Variants in ATXN7 observed in about 807,000 individuals in gnomAD.
The protein encoded by ATXN7 is ataxin-7.
Under a neutral mutation model 70.5 loss-of-function variants are expected in ATXN7, and 12 were observed. The ratio of observed to expected loss-of-function variants is 0.17; its 90% confidence interval spans 0.11 to 0.28. The LOEUF (loss-of-function observed/expected upper bound fraction) is 0.28, where lower values mean the gene tolerates loss of function less well. ATXN7 is among the 10% of genes least tolerant of loss of function. ATXN7 has a pLI of 1.00. For synonymous variants in ATXN7, 498 were observed against 448.7 expected (o/e 1.11, Z -1.39); for missense variants, 1,256 against 1,131.7 (o/e 1.11, Z -1.58).
intron 4 of ATXN7, among the ~76,000 whole-genome samples, chr3:63,920,907 G>A (rs931132450): frequency 1.3e-5 from 2 of 152,158 alleles, no homozygotes; most frequent in African/African-American, 2.4e-5. Flanking sequence ...TTTTATTGCA[G>A]TATTTCTAAT....
At chr3:63,877,847 A>G (rs1232210548) in intron 1 of ATXN7, among the ~76,000 whole-genome samples, 1 of 152,202 alleles carries the variant, frequency 6.6e-6, no homozygotes, top group Non-Finnish European at 1.5e-5. Context: ...TTAACATCTA[A>G]CCTCAAATCC....
intron 5 of ATXN7, among the ~76,000 whole-genome samples, chr3:63,975,578 T>A (rs1163860110): frequency 6.6e-6 from 1 of 152,238 alleles, no homozygotes; most frequent in Non-Finnish European, 1.5e-5. Context: ...TATTTTTAGT[T>A]GTTTTCAAAG....
chr3:63,878,586 G>A (rs1208148462), intron 1 of ATXN7: 1 of 152,238 alleles, frequency 6.6e-6, no homozygotes, highest in Non-Finnish European at 1.5e-5. Context: ...GCAGGAAACA[G>A]AGTCCAACTC....
chr3:63,970,649 T>A (rs1002759211), intron 5 of ATXN7, among the ~76,000 whole-genome samples: 3 of 152,354 alleles, frequency 2.0e-5, no homozygotes, highest in African/African-American at 7.2e-5. Flanking sequence ...ACAGTCCTTT[T>A]GGGAAGAATT....
intron 6 of ATXN7, among the ~76,000 whole-genome samples, chr3:63,981,021 G>A (rs916563388): frequency 2.6e-5 from 4 of 152,204 alleles, no homozygotes; most frequent in Non-Finnish European, 4.4e-5. Flanking sequence ...CCTTGTCATG[G>A]CATCCCTCAG....
At chr3:63,924,183 T>A (rs1035714817) in intron 4 of ATXN7, among the ~76,000 whole-genome samples, 10 of 152,148 alleles carry the variant, frequency 6.6e-5, no homozygotes, top group African/African-American at 1.9e-4. Context: ...GAATTGGGAT[T>A]TGGGGCTTGA....
At chr3:63,997,844 C>A (rs1271518678) in intron 12 of ATXN7, 1 of 985,184 alleles carries the variant, frequency 1.0e-6, no homozygotes, top group Non-Finnish European at 1.2e-6. Context: ...TGAATTAACA[C>A]CCATTGCCAA....
chr3:63,918,134 A>T (rs1163880945), intron 4 of ATXN7, among the ~76,000 whole-genome samples: 2 of 152,180 alleles, frequency 1.3e-5, no homozygotes, highest in Non-Finnish European at 2.9e-5. Flanking sequence ...CTGGGGCAAG[A>T]TGGAAAAGTG....
At chr3:63,960,906 G>A (rs1299390708) in intron 5 of ATXN7, among the ~76,000 whole-genome samples, 1 of 152,056 alleles carries the variant, frequency 6.6e-6, no homozygotes, top group Non-Finnish European at 1.5e-5. Flanking sequence ...AGTCATACAA[G>A]CCAGGAAACA....
intron 2 of ATXN7, chr3:63,901,194 T>C (rs1703628284): frequency 6.6e-6 from 1 of 152,234 alleles, no homozygotes; most frequent in African/African-American, 2.4e-5. Flanking sequence ...ATGTATTCAT[T>C]GTGGAATGGC....
chr3:63,890,136 A>G (rs1230354650), intron 1 of ATXN7, among the ~76,000 whole-genome samples: 2 of 152,192 alleles, frequency 1.3e-5, no homozygotes, highest in African/African-American at 2.4e-5. Flanking sequence ...TAAGTTATGG[A>G]TCTGAAATAA....
intron 5 of ATXN7, among the ~76,000 whole-genome samples, chr3:63,962,814 G>A (rs141130940): frequency 6.6e-6 from 1 of 152,106 alleles, no homozygotes; most frequent in African/African-American, 2.4e-5. Flanking sequence ...GGTCTGTTGT[G>A]CTACTTGAGT....
At chr3:63,984,306 C>A (rs2075538109) in intron 8 of ATXN7, among the ~76,000 whole-genome samples, 1 of 152,076 alleles carries the variant, frequency 6.6e-6, no homozygotes, top group Non-Finnish European at 1.5e-5. Context: ...GACACCCCCA[C>A]CCCAAGCCCA....
chr3:63,952,312 T>C, intron 4 of ATXN7, 67 bp from the exon 5 acceptor site: 1 of 1,233,882 alleles, frequency 8.1e-7, no homozygotes, highest in Non-Finnish European at 1.1e-6. Context: ...TAGAAAGTAG[T>C]TTCCCAAAAT....
At chr3:63,978,081 C>T (rs886444158) in intron 5 of ATXN7, among the ~76,000 whole-genome samples, 5 of 152,170 alleles carry the variant, frequency 3.3e-5, no homozygotes, top group Non-Finnish European at 7.3e-5. Context: ...GTTCTTGAGG[C>T]ATTAGCCTGG....
intron 1 of ATXN7, among the ~76,000 whole-genome samples, 171 bp downstream of exon 1, chr3:63,864,329 G>A (rs1352158862): frequency 2.0e-5 from 3 of 151,934 alleles, no homozygotes; most frequent in African/African-American, 7.2e-5. Context: ...GGAGGGTGAC[G>A]GGGACGCCCG....
intron 8 of ATXN7, among the ~76,000 whole-genome samples, chr3:63,983,947 G>A (rs2075530765): frequency 6.6e-6 from 1 of 152,022 alleles, no homozygotes; most frequent in South Asian, 2.1e-4. Context: ...ATAAAAGTTA[G>A]CATTTTCTTC....
chr3:63,934,123 G>T (rs2074613658), intron 4 of ATXN7, among the ~76,000 whole-genome samples: 1 of 152,130 alleles, frequency 6.6e-6, no homozygotes, highest in Non-Finnish European at 1.5e-5. Flanking sequence ...TATTCGTATT[G>T]AGAAGCCAAA....
chr3:63,882,135 C>G (rs927066941), intron 1 of ATXN7, among the ~76,000 whole-genome samples: 2 of 152,150 alleles, frequency 1.3e-5, no homozygotes, highest in Non-Finnish European at 2.9e-5. Context: ...TTAGTTGCAG[C>G]AGTATAATTT....
Sources: allele counts gnomAD v4.1 joint callset (sites outside exome capture counted in the v4.1 genomes callset), GRCh38; gene constraint gnomAD v4.1.1; transcripts MANE v1.5; gene names NCBI Gene and HGNC (gene_info 2026-07-23, HGNC 2026-07-21).